ANO8: variants seen among roughly 807,000 people sequenced by gnomAD.
ANO8 encodes the protein anoctamin-8.
A neutral mutation model predicts 120.4 loss-of-function variants in ANO8; 67 were observed. The ratio of observed to expected loss-of-function variants is 0.56; its 90% CI spans 0.46 to 0.68. The LOEUF is 0.68. Among genes scored for constraint, ANO8 ranks in the 30% least tolerant of loss-of-function variants. The probability of loss-of-function intolerance (pLI) is 0.00; values close to 1 mark genes in which losing one functional copy is unlikely to be tolerated. For synonymous variants in ANO8, 727 were observed against 759.2 expected, an observed-to-expected ratio of 0.96 and a Z score of 0.70; for missense variants, 1,526 against 1,737.6, an observed-to-expected ratio of 0.88 and a Z score of 2.16.
chr19:17,334,586 C>T lies in ANO8; in HGVS notation c.85G>A (p.Ala29Thr), dbSNP rs867067956. 3 of 1,552,282 alleles carry T rather than the reference C, an allele frequency of 1.9e-6. No individual in the cohort carries two copies. Among genetic ancestry groups the T allele is most frequent in the African/African-American group, 1.4e-5 (1 of 71,048 alleles). ...KRPPPEGEPA[A>T]PASGVLDKLF... ...ATACCCAGAACTCCGGACGCCGGGG[C>T]TGCAGGCTCGCCCTCCGGCGGGGGC... Residue 29 changes from alanine to threonine, a missense_variant, in exon 1 of 18, where the codon GCC becomes ACC. Around this residue, in one of 8 missense-constraint regions of ANO8, gnomAD observed 53 missense variants for 45.0 expected, o/e 1.18. Coordinates refer to ENST00000159087, the MANE Select transcript of ANO8 (RefSeq NM_020959.3).
rs1398223709 is a variant in ANO8, at chr19:17,326,910, C to A, written c.2661+325G>T. 2.0e-5 allele frequency among the ~76,000 whole-genome samples: 3 copies of A among 152,178 alleles called. No homozygotes were observed. The East Asian group carries it at 5.8e-4, about 29-fold the overall frequency. ...CCAGGATTCCAGAAGCGACTGGACC[C>A]GTTGTGAACACTAGTTATTATTGCT... On this transcript the variant is annotated intron_variant, in intron 16 of 17. Coordinates refer to ENST00000159087, the MANE Select transcript of ANO8 (RefSeq NM_020959.3).
chr19:17,329,714 G>T, intron 12 of ANO8, 43 bp downstream of exon 12: 1 of 1,551,986 alleles, frequency 6.4e-7, no homozygotes, highest in Non-Finnish European at 8.8e-7. Context: ...CTCGCTGGCC[G>T]CCATGGGGGC....
At position 17,323,527 on chromosome 19, in the gene ANO8, C is replaced by T. The variant is rs2074251533; in HGVS notation, c.3689G>A (p.Gly1230Asp). 1 of 1,293,290 alleles carries T rather than the reference C, an allele frequency of 7.7e-7. No homozygotes were observed. Among genetic ancestry groups the T allele is most frequent in the Non-Finnish European group, 9.8e-7 (1 of 1,020,276 alleles). 80.1% of individuals were successfully genotyped at this position (1,293,290 alleles called of 1,614,324 possible). The part of the protein sequence containing the change: ...PSPQAVCWPS[G>D]WH ...GCAGGGCGGGTAGAGCTAATGCCAG[C>T]CGCTGGGCCAGCACACGGCCTGGGG... Residue 1230 changes from glycine to aspartate, a missense_variant, in exon 18 of 18, where the codon GGC (glycine) becomes GAC (aspartate). Physicochemically the swap from Gly to Asp is moderately conservative, Grantham distance 94 (BLOSUM62 -1). Coordinates refer to ENST00000159087, the MANE Select transcript of ANO8 (RefSeq NM_020959.3).
intron 8 of ANO8, 116 bp from the exon 9 acceptor site, chr19:17,330,620 C>G: frequency 4.3e-6 from 6 of 1,393,480 alleles, no homozygotes; most frequent in Non-Finnish European, 4.8e-6. Context: ...GTGACCCTCT[C>G]AGGTCACCCA....
At chr19:17,332,225 G>A (rs2074324348) in intron 5 of ANO8, among the ~76,000 whole-genome samples, 1 of 148,724 alleles carries the variant, frequency 6.7e-6, no homozygotes, top group Admixed American at 6.7e-5. Context: ...GTCAGCCACC[G>A]CGCCCGGCCT....
Position 17,331,371 on chromosome 19 carries a change from G to A in ANO8, c.627C>T (p.Phe209=). ...TCAGAATACGCTGCTCGTGGACAGG[G>A]AACACCTGCTGGATGATCCCACGTG... The part of the protein sequence containing the change: ...LAARGIIQQV[F]PVHEQRILNR... The change falls in exon 6 of 18, where the codon TTC becomes TTT. Residue 209 remains phenylalanine (F), a synonymous_variant. Transcript: ENST00000159087. 7.4e-6 allele frequency: 12 copies of A among 1,614,030 alleles called. No individual in the cohort carries two copies. Among genetic ancestry groups the A allele is most frequent in the Non-Finnish European group, 9.3e-6 (11 of 1,180,028 alleles).
In ANO8 at chr19:17,333,279, C is replaced by G. The variant is rs778793863; in HGVS notation, c.351-40G>C. The G allele has an allele frequency of 2.2e-5, 36 of 1,602,710 alleles. 1 individual carries two copies. The South Asian group carries it at 3.6e-4, about 16-fold the overall frequency. ...GAGGAGGTGGGCTCACAGGGAGGCCCCGGCCCACCATCCTGGAGCTGAGGA... is the reference window on the plus strand; with the variant it reads ...GAGGAGGTGGGCTCACAGGGAGGCCGCGGCCCACCATCCTGGAGCTGAGGA... On this transcript the variant is annotated intron_variant, in intron 3 of 17. Coordinates refer to ENST00000159087, the MANE Select transcript of ANO8 (RefSeq NM_020959.3). The surrounding 1 kb of genome is among the most constrained non-coding windows in gnomAD (Gnocchi z 7.2).
At chr19:17,324,276 T>G (rs2074258232) in intron 17 of ANO8, among the ~76,000 whole-genome samples, 1 of 151,812 alleles carries the variant, frequency 6.6e-6, no homozygotes, top group South Asian at 2.1e-4. Flanking sequence ...GCTCCCTGGG[T>G]GGGCAGCCCC....
Position 17,328,407 on chromosome 19 carries a change from C to T in ANO8, c.1981G>A (p.Asp661Asn), listed in dbSNP as rs747948159. The change falls in exon 13 of 18, where the codon GAC (aspartate) becomes AAC (asparagine). Residue 661 changes from aspartate to asparagine, a missense_variant. Asp to Asn is a conservative substitution (Grantham distance 23). Coordinates refer to ENST00000159087, the MANE Select transcript of ANO8 (RefSeq NM_020959.3). ...CTGCCGGGAGCCCCCTCCGCCTCGTCGTCCTCCTCGGCCAGGGTGAACACT... is the reference window on the plus strand; with the variant it reads ...CTGCCGGGAGCCCCCTCCGCCTCGTTGTCCTCCTCGGCCAGGGTGAACACT... ...PGVFTLAEEDDEAEGAPGSPE... is the reference protein window; with the variant it reads ...PGVFTLAEEDNEAEGAPGSPE... The T allele has an allele frequency of 6.5e-7, 1 of 1,548,652 alleles. No individual in the cohort carries two copies. The highest frequency in any genetic ancestry group is 8.7e-7 in the Non-Finnish European group (1 of 1,151,278).
intron 1 of ANO8, 93 bp downstream of exon 1, chr19:17,334,472 G>T: frequency 1.7e-6 from 2 of 1,159,896 alleles, no homozygotes; most frequent in Middle Eastern, 2.1e-4. Flanking sequence ...CACCACGCCA[G>T]GTTACGTTTG....
In ANO8 at chr19:17,328,618, CTCCTCCTCGTCGTCCTCG is replaced by C. The variant is rs2074292933; in HGVS notation, c.1752_1769del (p.Asp584_Glu589del). 3 of 1,539,678 alleles carry C rather than the reference CTCCTCCTCGTCGTCCTCG, an allele frequency of 1.9e-6. No individual in the cohort carries two copies. The highest frequency in any genetic ancestry group is 2.0e-5 in the Admixed American group (1 of 50,510). On this transcript the variant is annotated inframe_deletion, in exon 13 of 18. Transcript: ENST00000159087. Reference sequence around the variant, plus strand: ...CGTCCTCCTCTTCCTCCTCGTCCTCCTCCTCCTCGTCGTCCTCGTCCTCCTCCTTGCCCCCTGGAGGCC... The same window carrying C: ...CGTCCTCCTCTTCCTCCTCGTCCTCCTCCTCCTCCTTGCCCCCTGGAGGCC...
rs745686709 is a variant in ANO8, at chr19:17,327,680, TC to T, written c.2418+8del. 4 of 1,610,570 alleles carry T rather than the reference TC, an allele frequency of 2.5e-6. No individual in the cohort carries two copies. The highest frequency in any genetic ancestry group is 2.2e-5 in the South Asian group (2 of 90,836). On this transcript the variant is annotated splice_region_variant and intron_variant, in intron 14 of 17. Transcript: ENST00000159087. ...GGGCCTCAGCTCGGATCTCTTGGCT[TC>T]CCCCCACCTGCCACTGGCCGATGCT...
chr19:17,328,155 T>TGCGAGG lies in ANO8; in HGVS notation c.2226+6_2226+7insCCTCGC. ...CCGCCCCCTGCGAGGCCCCGCCCCC[T>TGCGAGG]CCTCACCTCGTACTTCTTCATACAG... On this transcript the variant is annotated splice_region_variant and intron_variant, in intron 13 of 17. Transcript: ENST00000159087. The TGCGAGG allele has an allele frequency of 4.6e-6, 6 of 1,304,786 alleles. No individual in the cohort carries two copies. The highest frequency in any genetic ancestry group is 6.2e-6 in the Non-Finnish European group (6 of 968,032). The allele number at this position is 1,304,786 out of a possible 1,614,324, so 80.8% of individuals were successfully genotyped here. A position where few individuals can be genotyped will look rare whatever the true frequency, so the allele number is the denominator to read the frequency against.
rs1423450447 is a variant in ANO8, at chr19:17,334,756, C to A, written c.-86G>T. 3.2e-6 allele frequency: 4 copies of A among 1,231,596 alleles called. No homozygotes were observed. In the African/African-American group the frequency reaches 6.4e-5, roughly 20 times the overall value. The allele number at this position is 1,231,596 out of a possible 1,614,324, so 76.3% of individuals were successfully genotyped here. A position where few individuals can be genotyped will look rare whatever the true frequency, so the allele number is the denominator to read the frequency against. On this transcript the variant is annotated 5_prime_UTR_variant, in exon 1 of 18. Coordinates refer to ENST00000159087, the MANE Select transcript of ANO8 (RefSeq NM_020959.3). ...ATGGGGCCGGTGCAGCCGCGGAGCG[C>A]GCGGGAGGAGGAGACAAAGGCCGCG...
At chr19:17,328,088 G>A (rs1479910623) in intron 13 of ANO8, 74 bp downstream of exon 13, 4 of 1,425,770 alleles carry the variant, frequency 2.8e-6, no homozygotes, top group African/African-American at 1.4e-5. Context: ...CCACCCCCAC[G>A]GCCTTCACCC....
chr19:17,328,653 C>G lies in ANO8; in HGVS notation c.1735G>C (p.Gly579Arg). The change falls in exon 13 of 18, where the codon GGG becomes CGG. Residue 579 changes from glycine to arginine, a missense_variant. Transcript: ENST00000159087. ...TCGTCCTCGTCCTCCTCCTTGCCCC[C>G]TGGAGGCCCGTCCCCCTCCTCCCCG... ...EGGEEGDGPP[G>R]GKEEDEDDEE... is the part of the protein sequence containing the mutation. 6.8e-7 allele frequency: 1 copy of G among 1,468,342 alleles called. No individual in the cohort carries two copies. Among genetic ancestry groups the G allele is most frequent in the Non-Finnish European group, 9.1e-7 (1 of 1,099,606 alleles). The allele number at this position is 1,468,342 out of a possible 1,614,324, so 91.0% of individuals were successfully genotyped here.
chr19:17,323,362 G>T lies in ANO8; in HGVS notation c.*155C>A. On this transcript the variant is annotated 3_prime_UTR_variant, in exon 18 of 18. Transcript: ENST00000159087. ...GTGTGTGTTTTCTGTTGGATTTGTG[G>T]GTTTCCTTTCGTTTGGAAAGGAAAA... 1.8e-4 allele frequency: 74 copies of T among 407,666 alleles called. No homozygotes were observed. Among genetic ancestry groups the T allele is most frequent in the Middle Eastern group, 7.8e-4 (1 of 1,290 alleles). 25.3% of individuals were successfully genotyped at this position (407,666 alleles called of 1,614,324 possible). A position where few individuals can be genotyped will look rare whatever the true frequency, so the allele number is the denominator to read the frequency against.
In ANO8 at chr19:17,334,600, T is replaced by G. The variant is rs1316481472; in HGVS notation, c.71A>C (p.Glu24Ala). Residue 24 changes from glutamate (E) to alanine (A), a missense_variant, in exon 1 of 18, where the codon GAG (glutamate) becomes GCG (alanine). Glu to Ala is a moderately radical substitution (Grantham distance 107). Transcript: ENST00000159087. ...GGACGCCGGGGCTGCAGGCTCGCCC[T>G]CCGGCGGGGGCCTCTTGCCACGCTC... is the stretch of plus-strand genomic sequence containing the variant. Reference protein sequence around the residue: ...EGERGKRPPPEGEPAAPASGV... With the variant: ...EGERGKRPPPAGEPAAPASGV... The G allele has an allele frequency of 1.3e-6, 2 of 1,546,238 alleles. No individual in the cohort carries two copies. Among genetic ancestry groups the G allele is most frequent in the African/African-American group, 1.4e-5 (1 of 70,682 alleles).
In ANO8 at chr19:17,333,297, G is replaced by C. The variant is rs767966035; in HGVS notation, c.351-58C>G. ...GGAGGCCCCGGCCCACCATCCTGGA[G>C]CTGAGGATGGTGCACCTGGCAGCCT... On this transcript the variant is annotated intron_variant, in intron 3 of 17. Coordinates refer to ENST00000159087, the MANE Select transcript of ANO8 (RefSeq NM_020959.3). The surrounding 1 kb of genome is among the most constrained non-coding windows in gnomAD (Gnocchi z 7.2). 900 of 1,601,782 alleles carry C rather than the reference G, an allele frequency of 5.6e-4. No homozygotes were observed. Among genetic ancestry groups the C allele is most frequent in the Non-Finnish European group, 7.4e-4 (868 of 1,172,290 alleles).
Sources: allele counts gnomAD v4.1 joint callset (sites outside exome capture counted in the v4.1 genomes callset), GRCh38; gene constraint gnomAD v4.1.1; regional missense constraint gnomAD v4.1.1; non-coding constraint Gnocchi (gnomAD v3.1); transcripts MANE v1.5; gene names NCBI Gene and HGNC (gene_info 2026-07-23, HGNC 2026-07-21).